Variants in EXTL3 observed in about 807,000 individuals in gnomAD.
The protein encoded by EXTL3 is exostosin-like 3.
A neutral mutation model predicts 69.3 loss-of-function variants in EXTL3; 27 were observed. The observed-to-expected ratio is 0.39, with a 90% CI of 0.29 to 0.54. EXTL3 has a LOEUF of 0.54. Among genes scored for constraint, EXTL3 ranks in the 20% least tolerant of loss-of-function variants. The pLI is 0.69. For missense variants in EXTL3, 1,003 were observed against 1,231.8 expected (o/e 0.81, Z 2.78); for synonymous variants, 511 against 499.4 (o/e 1.02, Z -0.31).
At chr8:28,748,394 A>G (rs1459091651) in intron 6 of EXTL3, among the ~76,000 whole-genome samples, 1 of 152,056 alleles carries the variant, frequency 6.6e-6, no homozygotes, top group Non-Finnish European at 1.5e-5. Context: ...TTGACAGTAA[A>G]TTTTTGGGTT....
chr8:28,693,399 C>G (rs1800642492), intron 1 of EXTL3, among the ~76,000 whole-genome samples: 1 of 152,204 alleles, frequency 6.6e-6, no homozygotes, highest in Non-Finnish European at 1.5e-5. Context: ...ATCCCCCCAC[C>G]TCTGCCTCCC....
chr8:28,738,221 C>T (rs987251257), intron 5 of EXTL3, among the ~76,000 whole-genome samples: 4 of 152,112 alleles, frequency 2.6e-5, no homozygotes, highest in African/African-American at 7.2e-5. Context: ...TTTTTTTCTC[C>T]TGGCCCATCT....
At chr8:28,678,708 A>T (rs572889177) in intron 1 of EXTL3, among the ~76,000 whole-genome samples, 17 of 152,300 alleles carry the variant, frequency 1.1e-4, no homozygotes, top group African/African-American at 3.8e-4. Flanking sequence ...ACACAAATGG[A>T]CTAAGACAGA....
At chr8:28,661,013 A>G (rs776059226) in intron 1 of EXTL3, among the ~76,000 whole-genome samples, 1 of 148,312 alleles carries the variant, frequency 6.7e-6, no homozygotes, top group Non-Finnish European at 1.5e-5. Flanking sequence ...TCCCGGGTTC[A>G]CGCTATTCTT....
chr8:28,642,158 T>G (rs1020656546), intron 1 of EXTL3, among the ~76,000 whole-genome samples: 9 of 152,076 alleles, frequency 5.9e-5, no homozygotes, highest in African/African-American at 2.2e-4. Flanking sequence ...AATTAAAAAT[T>G]TAGGCCAGGC....
chr8:28,723,873 C>T (rs1001619861), intron 3 of EXTL3, among the ~76,000 whole-genome samples: 1 of 152,010 alleles, frequency 6.6e-6, no homozygotes, highest in Non-Finnish European at 1.5e-5. Context: ...AACTCCTGAC[C>T]TTAGGTGATC....
chr8:28,736,227 TAGA>T (rs1464430761), intron 4 of EXTL3, among the ~76,000 whole-genome samples: 1 of 152,256 alleles, frequency 6.6e-6, no homozygotes, highest in Non-Finnish European at 1.5e-5. Context: ...TACATTGTGA[TAGA>T]AGTTGTGATT....
chr8:28,707,178 A>G (rs181866028), intron 1 of EXTL3, among the ~76,000 whole-genome samples: 2 of 152,378 alleles, frequency 1.3e-5, no homozygotes, highest in Admixed American at 6.5e-5. Flanking sequence ...GTAATACATA[A>G]TGATTGTAAA....
intron 1 of EXTL3, among the ~76,000 whole-genome samples, chr8:28,666,442 T>C (rs1444293486): frequency 1.3e-5 from 2 of 152,162 alleles, no homozygotes; most frequent in Non-Finnish European, 2.9e-5. Flanking sequence ...CAAGCCTGGC[T>C]AATTTTTTTT....
intron 6 of EXTL3, among the ~76,000 whole-genome samples, chr8:28,743,598 G>A: frequency 6.6e-6 from 1 of 152,106 alleles, no homozygotes; most frequent in East Asian, 1.9e-4. Context: ...TACCTTTATT[G>A]CAATATCTGC....
rs1801348088 is a variant in EXTL3 at position 28,723,696 on chromosome 8, C to T, written c.2148+5489C>T. 2.0e-5 allele frequency among the ~76,000 whole-genome samples: 3 copies of T among 147,670 alleles called. No homozygotes were observed. The Admixed American group carries it at 2.1e-4, about 10-fold the overall frequency. On this transcript the variant is annotated intron_variant, in intron 3 of 6. Transcript: ENST00000220562. The stretch of plus-strand genomic sequence containing the variant: ...TCACGCTGTTGCCCAGGCTGGAGCA[C>T]AGTGGTGTGATCTTGGCTCAGTGCA...
At chr8:28,682,226 A>C (rs1406297608) in intron 1 of EXTL3, among the ~76,000 whole-genome samples, 1 of 152,076 alleles carries the variant, frequency 6.6e-6, no homozygotes, top group African/African-American at 2.4e-5. Flanking sequence ...ATATGTATAT[A>C]CTTGTTGGCC....
intron 6 of EXTL3, among the ~76,000 whole-genome samples, chr8:28,744,447 C>T (rs2130795405): frequency 6.6e-6 from 1 of 152,092 alleles, no homozygotes. Flanking sequence ...CACTTGAGGT[C>T]AGGAGTTCGT....
chr8:28,726,367 A>G (rs1585282631), intron 3 of EXTL3, among the ~76,000 whole-genome samples: 1 of 152,164 alleles, frequency 6.6e-6, no homozygotes, highest in Non-Finnish European at 1.5e-5. Flanking sequence ...TTGAAGCAAA[A>G]CTGTTAGAAG....
chr8:28,729,841 C>CTT lies in EXTL3; in HGVS notation c.2149-1368_2149-1367dup, dbSNP rs756826180. On this transcript the variant is annotated intron_variant, in intron 3 of 6. Transcript: ENST00000220562. ...ATAGTGATGAGACTTCGAGAACTCG[C>CTT]TTTTTTTTTTTTTTTAAAGTTATGA... Among the ~76,000 whole-genome samples, 73 of 130,034 alleles carry CTT rather than the reference C, an allele frequency of 5.6e-4. 1 individual carries two copies. The East Asian group carries it at 0.013, about 22-fold the overall frequency. The allele number at this position is 130,034 out of a possible 152,430, so 85.3% of individuals were successfully genotyped here. A position where few individuals can be genotyped will look rare whatever the true frequency, so the allele number is the denominator to read the frequency against.
At chr8:28,634,197 CA>C (rs1806616825) in intron 1 of EXTL3, among the ~76,000 whole-genome samples, 1 of 152,106 alleles carries the variant, frequency 6.6e-6, no homozygotes, top group African/African-American at 2.4e-5. Context: ...TGTGTTTTAG[CA>C]AAAATTCTCT....
intron 1 of EXTL3, chr8:28,685,933 C>T (rs950222623): frequency 4.6e-5 from 7 of 151,838 alleles, no homozygotes; most frequent in African/African-American, 9.7e-5. Flanking sequence ...GGCACCATCT[C>T]GCCTCACCTA....
At position 28,750,683 on chromosome 8, in the gene EXTL3, C is replaced by T; in HGVS notation, c.2577C>T (p.Cys859=). 1 of 1,614,098 alleles carries T rather than the reference C, an allele frequency of 6.2e-7. No individual in the cohort carries two copies. Among genetic ancestry groups the T allele is most frequent in the Non-Finnish European group, 8.5e-7 (1 of 1,179,972 alleles). ...IKVTSRWTFR[C]PGCPQALSHD... ...TGACCTCACGGTGGACATTCCGATG[C>T]CCAGGATGCCCTCAGGCCCTGTCTC... is the stretch of plus-strand genomic sequence containing the variant. The change falls in exon 7 of 7, where the codon TGC becomes TGT. Residue 859 remains cysteine, a synonymous_variant. Coordinates refer to ENST00000220562, the MANE Select transcript of EXTL3 (RefSeq NM_001440.4). The surrounding 1 kb of genome is among the most constrained non-coding windows in gnomAD (Gnocchi z 5.2).
At chr8:28,665,539 G>C (rs1206011653) in intron 1 of EXTL3, among the ~76,000 whole-genome samples, 2 of 149,726 alleles carry the variant, frequency 1.3e-5, no homozygotes, top group African/African-American at 4.9e-5. Flanking sequence ...AGCCTCCCAA[G>C]TAGTTGGGAC....
Sources: allele counts gnomAD v4.1 joint callset (sites outside exome capture counted in the v4.1 genomes callset), GRCh38; gene constraint gnomAD v4.1.1; non-coding constraint Gnocchi (gnomAD v3.1); transcripts MANE v1.5; gene names NCBI Gene and HGNC (gene_info 2026-07-23, HGNC 2026-07-21).